Variants in KIF6 observed in about 807,000 individuals in gnomAD.
KIF6 encodes kinesin-like protein KIF6.
In KIF6, 106 loss-of-function variants were observed where a neutral mutation model predicts 112.7. The ratio of observed to expected loss-of-function variants is 0.94; its 90% CI spans 0.80 to 1.11. The LOEUF (loss-of-function observed/expected upper bound fraction) is 1.11. Ranked by LOEUF, KIF6 falls within the 50% of genes least tolerant of loss-of-function variation. The pLI, the probability that KIF6 is intolerant of heterozygous loss-of-function variation, is 0.00. For synonymous variants in KIF6, 339 were observed against 339.9 expected, an observed-to-expected ratio of 1.00 and a Z score of 0.03; for missense variants, 929 against 964.0, an observed-to-expected ratio of 0.96 and a Z score of 0.48.
chr6:39,341,434 C>T (rs1012491379), intron 22 of KIF6, among the ~76,000 whole-genome samples: 3 of 152,204 alleles, frequency 2.0e-5, no homozygotes, highest in Admixed American at 2.0e-4. Context: ...TGCTTCCTCT[C>T]TCTCCGCAAC....
rs966198618 is a variant in KIF6, at chr6:39,330,208, T to A, written c.*6324A>T. On this transcript the variant is annotated 3_prime_UTR_variant, in exon 23 of 23. Transcript: ENST00000287152. Reference sequence around the variant, plus strand: ...ACTAGGAAGCCCTAAAACAGCTTCATAGGCATAAGTCCTAGAGCACCTTGG... The same window carrying A: ...ACTAGGAAGCCCTAAAACAGCTTCAAAGGCATAAGTCCTAGAGCACCTTGG... 2 of 152,194 alleles carry A rather than the reference T, an allele frequency of 1.3e-5. No individual in the cohort carries two copies. Among genetic ancestry groups the A allele is most frequent in the African/African-American group, 4.8e-5 (2 of 41,446 alleles). 9.4% of individuals were successfully genotyped at this position (152,194 alleles called of 1,614,324 possible).
intron 16 of KIF6, among the ~76,000 whole-genome samples, chr6:39,372,838 C>T (rs1194889607): frequency 1.3e-5 from 2 of 152,144 alleles, no homozygotes; most frequent in East Asian, 3.9e-4. Flanking sequence ...TTAAAGCTTT[C>T]TGTTGGTTAT....
chr6:39,451,939 A>G (rs1157645932), intron 13 of KIF6, among the ~76,000 whole-genome samples: 2 of 152,202 alleles, frequency 1.3e-5, no homozygotes, highest in Non-Finnish European at 2.9e-5. Flanking sequence ...GAATGATCAC[A>G]CAGAGGCTCA....
intron 10 of KIF6, among the ~76,000 whole-genome samples, chr6:39,569,980 C>G (rs556902731): frequency 6.6e-6 from 1 of 152,132 alleles, no homozygotes; most frequent in African/African-American, 2.4e-5. Context: ...GATGGATAAA[C>G]GAGCATTTAA....
intron 3 of KIF6, chr6:39,690,270 G>A (rs1438320972): frequency 1.3e-5 from 2 of 152,002 alleles, no homozygotes; most frequent in Non-Finnish European, 2.9e-5. Flanking sequence ...TGAGAGTATC[G>A]GAAAGGGTGG....
chr6:39,629,694 A>G (rs1784264270), intron 5 of KIF6, among the ~76,000 whole-genome samples: 1 of 152,104 alleles, frequency 6.6e-6, no homozygotes. Context: ...ATTTTAATAA[A>G]GTTCAACTTA....
At chr6:39,533,282 C>T (rs1454295301) in intron 13 of KIF6, among the ~76,000 whole-genome samples, 1 of 152,168 alleles carries the variant, frequency 6.6e-6, no homozygotes, top group Non-Finnish European at 1.5e-5. Context: ...ACAGATGGCA[C>T]CCGGAAAATC....
chr6:39,350,198 T>C (rs1414266138), intron 19 of KIF6, among the ~76,000 whole-genome samples: 1 of 152,134 alleles, frequency 6.6e-6, no homozygotes, highest in Non-Finnish European at 1.5e-5. Flanking sequence ...GAAGAGCGGA[T>C]ACCCCAGGCA....
In KIF6 at chr6:39,720,685, GAGAA is replaced by G. The variant is rs775478985; in HGVS notation, c.176+13_176+16del. On this transcript the variant is annotated intron_variant, in intron 2 of 22. Transcript: ENST00000287152. ...AATAATGAAACAGAAATGAAAAAAG[GAGAA>G]AGAAAAACTTACTTAAATTTGTAGC... 1 of 1,278,432 alleles carries G rather than the reference GAGAA, an allele frequency of 7.8e-7. No individual in the cohort carries two copies. Among genetic ancestry groups the G allele is most frequent in the African/African-American group, 1.5e-5 (1 of 68,310 alleles). 79.2% of individuals were successfully genotyped at this position (1,278,432 alleles called of 1,614,324 possible).
intron 3 of KIF6, among the ~76,000 whole-genome samples, chr6:39,683,143 T>C (rs1787637811): frequency 6.6e-6 from 1 of 152,148 alleles, no homozygotes; most frequent in African/African-American, 2.4e-5. Flanking sequence ...TATGCAAAGT[T>C]TGAGAGAGCC....
intron 18 of KIF6, among the ~76,000 whole-genome samples, chr6:39,357,943 A>C (rs1255994873): frequency 6.6e-6 from 1 of 152,212 alleles, no homozygotes; most frequent in Middle Eastern, 3.2e-3. Context: ...TCCACGTTGA[A>C]CATGTATTCC....
intron 13 of KIF6, among the ~76,000 whole-genome samples, chr6:39,461,386 T>C (rs1773461706): frequency 6.6e-6 from 1 of 152,134 alleles, no homozygotes. Context: ...CCAATTCTCT[T>C]CACCTTTACC....
Position 39,605,078 on chromosome 6 carries a change from A to G in KIF6, c.639+8111T>C, listed in dbSNP as rs901521996. Among the ~76,000 whole-genome samples the G allele has an allele frequency of 3.3e-5, 5 of 152,162 alleles. No homozygotes were observed. The East Asian group carries it at 5.8e-4, about 18-fold the overall frequency. The stretch of plus-strand genomic sequence containing the variant: ...GTATCTTTAATTGGAACTACATTCA[A>G]TTATCATTCTTACACATCATTCTTG... On this transcript the variant is annotated intron_variant, in intron 6 of 22. Coordinates refer to ENST00000287152, the MANE Select transcript of KIF6 (RefSeq NM_145027.6).
chr6:39,408,758 T>A (rs934359109), intron 15 of KIF6, among the ~76,000 whole-genome samples: 1 of 152,158 alleles, frequency 6.6e-6, no homozygotes, highest in Non-Finnish European at 1.5e-5. Context: ...AGAGAAAATG[T>A]GTGGGCTGCT....
At chr6:39,462,803 A>G (rs1773558712) in intron 13 of KIF6, among the ~76,000 whole-genome samples, 1 of 152,172 alleles carries the variant, frequency 6.6e-6, no homozygotes, top group Non-Finnish European at 1.5e-5. Context: ...ATTTGCTACT[A>G]GATTATAAGG....
At chr6:39,454,482 A>C (rs1772907922) in intron 13 of KIF6, among the ~76,000 whole-genome samples, 1 of 151,868 alleles carries the variant, frequency 6.6e-6, no homozygotes, top group Non-Finnish European at 1.5e-5. Context: ...GATCAGGAAA[A>C]ATATAAACGA....
intron 5 of KIF6, among the ~76,000 whole-genome samples, chr6:39,622,954 T>G (rs1783908072): frequency 6.6e-6 from 1 of 152,154 alleles, no homozygotes. Flanking sequence ...GGTGCGGTGG[T>G]GTGGGAGAGG....
At position 39,362,486 on chromosome 6, in the gene KIF6, G is replaced by T. The variant is rs775294304; in HGVS notation, c.1894C>A (p.Pro632Thr). 2.5e-6 allele frequency: 4 copies of T among 1,614,088 alleles called. No individual in the cohort carries two copies. The highest frequency in any genetic ancestry group is 2.2e-5 in the East Asian group (1 of 44,880). ...CGCAGCTTCTCCTCCTGCTGGTCTG[G>T]CATCAGAGGCACGGCCATGTTTTCC... ...ISENMAVPLM[P>T]DQQEEKLRSQ... The change falls in exon 17 of 23, where the codon CCA becomes ACA. Residue 632 changes from proline (P) to threonine (T), a missense_variant. Coordinates refer to ENST00000287152, the MANE Select transcript of KIF6 (RefSeq NM_145027.6).
In KIF6 at chr6:39,567,446, C is replaced by T. The variant is rs574494629; in HGVS notation, c.1181+10610G>A. Among the ~76,000 whole-genome samples the T allele has an allele frequency of 6.6e-5, 10 of 152,142 alleles. No homozygotes were observed. In the South Asian group the frequency reaches 8.3e-4, roughly 13 times the overall value. ...CAAGCCTCTTAACTCTCAGTCTATT[C>T]ATATAAAAGTTCCCTGCCTGATCTT... On this transcript the variant is annotated intron_variant, in intron 10 of 22. Transcript: ENST00000287152.
Sources: allele counts gnomAD v4.1 joint callset (sites outside exome capture counted in the v4.1 genomes callset), GRCh38; gene constraint gnomAD v4.1.1; transcripts MANE v1.5; gene names NCBI Gene and HGNC (gene_info 2026-07-23, HGNC 2026-07-21).